ANK1: variants seen among roughly 807,000 people sequenced by gnomAD.
The protein encoded by ANK1 is ankyrin-1.
A neutral mutation model predicts 210.4 loss-of-function variants in ANK1; 51 were observed. The observed-to-expected ratio is 0.24, with a 90% confidence interval of 0.19 to 0.31. The LOEUF (loss-of-function observed/expected upper bound fraction) is 0.31. ANK1 is among the 10% of genes least tolerant of loss of function. The pLI is 1.00. For missense variants in ANK1, 2,051 were observed against 2,504.4 expected (o/e 0.82, Z 3.86); for synonymous variants, 967 against 1,025.9 (o/e 0.94, Z 1.10).
intron 42 of ANK1, chr8:41,660,613 G>T: frequency 2.3e-6 from 1 of 440,194 alleles, no homozygotes; most frequent in Non-Finnish European, 4.6e-6. Flanking sequence ...TCATGGCACG[G>T]CACGGCACGG....
At chr8:41,762,094 T>G (rs564468280) in intron 1 of ANK1, among the ~76,000 whole-genome samples, 2 of 152,300 alleles carry the variant, frequency 1.3e-5, no homozygotes, top group East Asian at 3.9e-4. Flanking sequence ...CCTGTGGCTG[T>G]CTGTTCATGA....
At chr8:41,712,862 G>T (rs995702114) in intron 16 of ANK1, among the ~76,000 whole-genome samples, 3 of 152,222 alleles carry the variant, frequency 2.0e-5, no homozygotes, top group African/African-American at 7.2e-5. Flanking sequence ...AAGTAGGGGA[G>T]TGAGGAGGAG....
At chr8:41,713,476 C>T (rs923486476) in intron 16 of ANK1, among the ~76,000 whole-genome samples, 2 of 152,234 alleles carry the variant, frequency 1.3e-5, no homozygotes, top group South Asian at 2.1e-4. Context: ...CCTCAAGGGT[C>T]ACGGAACCTG....
chr8:41,746,910 G>A (rs1397272162), intron 2 of ANK1, among the ~76,000 whole-genome samples: 2 of 151,412 alleles, frequency 1.3e-5, no homozygotes, highest in African/African-American at 4.9e-5. Context: ...AAGAAGGGCA[G>A]TGGGGTCAGG....
intron 1 of ANK1, among the ~76,000 whole-genome samples, chr8:41,866,536 C>T (rs1280201056): frequency 6.6e-6 from 1 of 152,188 alleles, no homozygotes; most frequent in Non-Finnish European, 1.5e-5. Context: ...ACATTAAGTA[C>T]ATTCACATTG....
intron 1 of ANK1, among the ~76,000 whole-genome samples, chr8:41,810,239 A>T (rs570860883): frequency 3.3e-5 from 5 of 152,342 alleles, no homozygotes; most frequent in Admixed American, 6.5e-5. Flanking sequence ...ATAGTTTGGC[A>T]TTTCCTAAAT....
intron 1 of ANK1, among the ~76,000 whole-genome samples, chr8:41,861,491 C>G (rs1188853438): frequency 6.6e-6 from 1 of 152,192 alleles, no homozygotes; most frequent in African/African-American, 2.4e-5. Flanking sequence ...TTGGTAGAAC[C>G]CCGTAGAACA....
chr8:41,769,970 CTTTTTTCTTTTTTTTTT>C (rs1427451148), intron 1 of ANK1, among the ~76,000 whole-genome samples: 8 of 94,786 alleles, frequency 8.4e-5, no homozygotes, highest in African/African-American at 2.9e-4. Flanking sequence ...TTTTTTTTTT[CTTTTTTCTTTTTTTTTT>C]TTTTTTTTTT....
chr8:41,838,558 G>A (rs1356846495), intron 1 of ANK1, among the ~76,000 whole-genome samples: 1 of 152,124 alleles, frequency 6.6e-6, no homozygotes, highest in East Asian at 1.9e-4. Flanking sequence ...CTGAGGTCAG[G>A]AGTTGGAGAC....
chr8:41,701,459 G>T, intron 22 of ANK1, 91 bp downstream of exon 22: 1 of 1,191,658 alleles, frequency 8.4e-7, no homozygotes, highest in Non-Finnish European at 1.3e-6. Flanking sequence ...TGTTGTAAGG[G>T]GACAAAGCCG....
At chr8:41,814,088 G>A (rs1424254696) in intron 1 of ANK1, among the ~76,000 whole-genome samples, 5 of 152,218 alleles carry the variant, frequency 3.3e-5, no homozygotes, top group Non-Finnish European at 7.3e-5. Flanking sequence ...GAGGCCGGGC[G>A]TGGCGGCTCA....
chr8:41,684,345 G>A lies in ANK1; in HGVS notation c.4537+199C>T, dbSNP rs113468193. 2.8e-3 allele frequency: 2,515 copies of A among 884,996 alleles called. 44 individuals are homozygous for A. The African/African-American group carries it at 0.036, about 13-fold the overall frequency. The allele number at this position is 884,996 out of a possible 1,614,324, so 54.8% of individuals were successfully genotyped here. A position where few individuals can be genotyped will look rare whatever the true frequency, so the allele number is the denominator to read the frequency against. On this transcript the variant is annotated intron_variant, in intron 37 of 42. Transcript: ENST00000289734. Reference sequence around the variant, plus strand: ...GCTAAGGCGGAGGCGATGCCCACCTGCACAGGAGCAGCCATCTCTCTCTCC... The same window carrying A: ...GCTAAGGCGGAGGCGATGCCCACCTACACAGGAGCAGCCATCTCTCTCTCC...
At chr8:41,821,417 G>C (rs1804240779) in intron 1 of ANK1, among the ~76,000 whole-genome samples, 1 of 152,052 alleles carries the variant, frequency 6.6e-6, no homozygotes, top group Non-Finnish European at 1.5e-5. Flanking sequence ...TTATTAAAAA[G>C]AAAGCTCTTT....
chr8:41,826,463 G>C (rs1488693221), intron 1 of ANK1, among the ~76,000 whole-genome samples: 1 of 152,060 alleles, frequency 6.6e-6, no homozygotes, highest in African/African-American at 2.4e-5. Flanking sequence ...ACCATCCCCT[G>C]CCCTCTGTCT....
intron 1 of ANK1, among the ~76,000 whole-genome samples, chr8:41,882,095 G>A (rs530440245): frequency 1.3e-5 from 2 of 152,146 alleles, no homozygotes; most frequent in Non-Finnish European, 2.9e-5. Context: ...CTCTGCCACT[G>A]CGCAGTGGTG....
chr8:41,839,395 G>A (rs752445809), intron 1 of ANK1, among the ~76,000 whole-genome samples: 9 of 152,184 alleles, frequency 5.9e-5, no homozygotes, highest in Non-Finnish European at 1.3e-4. Context: ...CCCACTCTCC[G>A]CCCACTCATT....
intron 38 of ANK1, among the ~76,000 whole-genome samples, chr8:41,671,723 C>T (rs571182121): frequency 7.5e-6 from 1 of 133,516 alleles, no homozygotes; most frequent in South Asian, 2.7e-4. Flanking sequence ...CCCGGCGCCC[C>T]GATGTCCTAA....
intron 9 of ANK1, among the ~76,000 whole-genome samples, chr8:41,721,468 C>A (rs1829238315): frequency 6.6e-6 from 1 of 152,012 alleles, no homozygotes; most frequent in Non-Finnish European, 1.5e-5. Flanking sequence ...ACCAGCCTGG[C>A]TAACATGGTG....
intron 3 of ANK1, among the ~76,000 whole-genome samples, chr8:41,729,923 T>TA (rs1831689720): frequency 6.6e-6 from 1 of 152,200 alleles, no homozygotes; most frequent in East Asian, 1.9e-4. Flanking sequence ...TTCTGTCAAA[T>TA]AGGGCGAGTG....
Sources: gnomAD v4.1 joint callset for allele counts (sites outside exome capture counted in the v4.1 genomes callset) on GRCh38, gnomAD v4.1.1 for gene constraint, MANE v1.5 for transcripts, NCBI Gene and HGNC (gene_info 2026-07-23, HGNC 2026-07-21) for gene names.